Variants in SMARCAD1 observed in about 807,000 individuals in gnomAD.
SMARCAD1 encodes SWI/SNF-related matrix-associated actin-dependent regulator of chromatin subfamily A containing DEAD/H box 1.
A neutral mutation model predicts 127.1 loss-of-function variants in SMARCAD1; 25 were observed. The observed-to-expected ratio is 0.20, with a 90% CI of 0.14 to 0.27. SMARCAD1 has a LOEUF of 0.27. SMARCAD1 is among the 10% of genes least tolerant of loss of function. The probability of loss-of-function intolerance (pLI) is 1.00; values close to 1 mark genes in which losing one functional copy is unlikely to be tolerated. For missense variants in SMARCAD1, 807 were observed against 1,206.0 expected, an observed-to-expected ratio of 0.67 and a Z score of 4.90; for synonymous variants, 400 against 396.9, an observed-to-expected ratio of 1.01 and a Z score of -0.09.
intron 12 of SMARCAD1, 113 bp downstream of exon 12, chr4:94,273,829 G>A: frequency 1.3e-6 from 1 of 784,350 alleles, no homozygotes; most frequent in East Asian, 2.7e-5. Flanking sequence ...AGTTTGTAGA[G>A]ATGAATATTA....
At chr4:94,264,983 C>T (rs1237226831) in intron 10 of SMARCAD1, 77 bp downstream of exon 10, 1 of 1,421,480 alleles carries the variant, frequency 7.0e-7, no homozygotes, top group Non-Finnish European at 9.7e-7. Flanking sequence ...TGTATCGTGC[C>T]TAGAAAGTGA....
At chr4:94,253,073 G>A in intron 9 of SMARCAD1, 66 bp downstream of exon 9, 1 of 1,600,102 alleles carries the variant, frequency 6.2e-7, no homozygotes, top group Admixed American at 1.7e-5. Context: ...ACCGGTTATA[G>A]TCAAGTTGTC....
chr4:94,251,503 G>A, intron 8 of SMARCAD1, among the ~76,000 whole-genome samples: 1 of 152,074 alleles, frequency 6.6e-6, no homozygotes, highest in East Asian at 1.9e-4. Flanking sequence ...CACAGAAAAT[G>A]ATATTCTGTG....
At chr4:94,284,347 A>AAG (rs1754581635) in intron 22 of SMARCAD1, among the ~76,000 whole-genome samples, 1 of 99,842 alleles carries the variant, frequency 1.0e-5, no homozygotes, top group African/African-American at 3.1e-5. Flanking sequence ...AAAAAAAAAA[A>AAG]AAAAAAGAAA....
At chr4:94,280,570 C>G in intron 19 of SMARCAD1, 22 bp from the exon 20 acceptor site, 2 of 1,523,602 alleles carry the variant, frequency 1.3e-6, no homozygotes, top group Non-Finnish European at 1.8e-6. Flanking sequence ...TTGAAGTATA[C>G]TGTGTTTTGT....
At chr4:94,279,369 A>C (rs868176349) in intron 19 of SMARCAD1, among the ~76,000 whole-genome samples, 46 of 152,148 alleles carry the variant, frequency 3.0e-4, no homozygotes, top group Admixed American at 1.2e-3. Context: ...TGAACTCCTG[A>C]GCTCAAGCGA....
At chr4:94,236,242 G>A (rs748046221) in intron 4 of SMARCAD1, among the ~76,000 whole-genome samples, 4 of 152,072 alleles carry the variant, frequency 2.6e-5, no homozygotes, top group Non-Finnish European at 5.9e-5. Context: ...TTAAAAGTAA[G>A]ATCTTTTTAA....
At chr4:94,274,135 G>A (rs958509709) in intron 12 of SMARCAD1, among the ~76,000 whole-genome samples, 1 of 152,080 alleles carries the variant, frequency 6.6e-6, no homozygotes, top group Non-Finnish European at 1.5e-5. Context: ...ACATGTGAAT[G>A]TAACAAAGAA....
chr4:94,263,751 A>T (rs1249838274), intron 9 of SMARCAD1, among the ~76,000 whole-genome samples: 2 of 151,958 alleles, frequency 1.3e-5, no homozygotes, highest in African/African-American at 4.8e-5. Flanking sequence ...ATGAATAAAA[A>T]TCGTGTGGTA....
In SMARCAD1 at chr4:94,241,137, G is replaced by A. The variant is rs79454027; in HGVS notation, c.705+131G>A. The A allele has an allele frequency of 9.3e-4, 620 of 669,090 alleles. 4 individuals are homozygous for A. Among genetic ancestry groups the A allele is most frequent in the African/African-American group, 8.8e-3 (483 of 55,066 alleles). 41.4% of individuals were successfully genotyped at this position (669,090 alleles called of 1,614,324 possible). A position where few individuals can be genotyped will look rare whatever the true frequency, so the allele number is the denominator to read the frequency against. ...TTCTATCACAACTAAGGGAATTTAC[G>A]TCTACATTTAATTTGTGACTGTTTT... On this transcript the variant is annotated intron_variant, in intron 6 of 23. Transcript: ENST00000354268.
chr4:94,272,176 T>C (rs1207823618), intron 11 of SMARCAD1, among the ~76,000 whole-genome samples: 1 of 151,850 alleles, frequency 6.6e-6, no homozygotes, highest in Non-Finnish European at 1.5e-5. Flanking sequence ...GACAGTCATA[T>C]TGGGTTCAGG....
intron 6 of SMARCAD1, among the ~76,000 whole-genome samples, chr4:94,249,297 G>A (rs1382320205): frequency 6.6e-6 from 1 of 152,022 alleles, no homozygotes; most frequent in Non-Finnish European, 1.5e-5. Flanking sequence ...TGAGATATTT[G>A]TATCCTTTTA....
chr4:94,251,742 A>T (rs1001852676), intron 8 of SMARCAD1, among the ~76,000 whole-genome samples: 1 of 152,272 alleles, frequency 6.6e-6, no homozygotes, highest in African/African-American at 2.4e-5. Context: ...TCACTGGTAC[A>T]TAAAATAATG....
chr4:94,266,830 T>G (rs1751794496), intron 10 of SMARCAD1, among the ~76,000 whole-genome samples: 1 of 152,152 alleles, frequency 6.6e-6, no homozygotes, highest in African/African-American at 2.4e-5. Context: ...GTTTGCCTTT[T>G]AGAAATACAA....
chr4:94,264,248 A>G (rs915046692), intron 9 of SMARCAD1, among the ~76,000 whole-genome samples: 1 of 151,986 alleles, frequency 6.6e-6, no homozygotes, highest in Non-Finnish European at 1.5e-5. Flanking sequence ...ATTAATCTTA[A>G]TATGTAATAG....
At chr4:94,280,182 A>AT (rs1162442550) in intron 19 of SMARCAD1, among the ~76,000 whole-genome samples, 4 of 151,732 alleles carry the variant, frequency 2.6e-5, no homozygotes, top group Admixed American at 6.6e-5. Flanking sequence ...TTCTTTTTAA[A>AT]TTTTTTTTTA....
intron 4 of SMARCAD1, among the ~76,000 whole-genome samples, 168 bp from the exon 5 acceptor site, chr4:94,236,784 T>G (rs1383531997): frequency 6.6e-6 from 1 of 152,196 alleles, no homozygotes; most frequent in Non-Finnish European, 1.5e-5. Context: ...ACCTTTTACA[T>G]AAAACAGATT....
At chr4:94,210,575 A>G (rs1196891303) in intron 2 of SMARCAD1, among the ~76,000 whole-genome samples, 5 of 152,200 alleles carry the variant, frequency 3.3e-5, no homozygotes, top group Non-Finnish European at 7.3e-5. Context: ...GAAATGGAGA[A>G]GAAAGAGATA....
chr4:94,257,471 G>A (rs1750280474), intron 9 of SMARCAD1, among the ~76,000 whole-genome samples: 1 of 151,766 alleles, frequency 6.6e-6, no homozygotes, highest in East Asian at 1.9e-4. Context: ...TCTTTTTTGG[G>A]GGAAAGTTAA....
Sources: allele counts gnomAD v4.1 joint callset (sites outside exome capture counted in the v4.1 genomes callset), GRCh38; gene constraint gnomAD v4.1.1; transcripts MANE v1.5; gene names NCBI Gene and HGNC (gene_info 2026-07-23, HGNC 2026-07-21).